GABRB3: variants seen among roughly 807,000 people sequenced by gnomAD.
GABRB3 encodes the protein gamma-aminobutyric acid type A receptor subunit beta3, also known as gamma-aminobutyric acid receptor subunit beta-3.
GABRB3 carries 14 observed loss-of-function variants against 52.1 expected under a neutral mutation model. The observed-to-expected ratio is 0.27, with a 90% confidence interval of 0.18 to 0.42. The LOEUF (loss-of-function observed/expected upper bound fraction) is 0.42. Ranked by LOEUF, GABRB3 falls within the 10% of genes least tolerant of loss-of-function variation. The pLI, the probability that GABRB3 is intolerant of heterozygous loss-of-function variation, is 1.00. For synonymous variants in GABRB3, 260 were observed against 232.3 expected (o/e 1.12, Z -1.08); for missense variants, 307 against 609.1 (o/e 0.50, Z 5.22).
intron 3 of GABRB3, among the ~76,000 whole-genome samples, chr15:26,712,587 A>G (rs544974767): frequency 6.6e-6 from 1 of 152,252 alleles, no homozygotes; most frequent in African/African-American, 2.4e-5. Flanking sequence ...CCTATTGTGG[A>G]CATTTGATAT....
intron 3 of GABRB3, among the ~76,000 whole-genome samples, chr15:26,625,890 G>A (rs1346569284): frequency 2.0e-5 from 3 of 152,094 alleles, no homozygotes; most frequent in East Asian, 1.9e-4. Context: ...AGTTGCTAAC[G>A]TTCCCTCTTT....
chr15:26,561,221 T>C (rs1330307457), intron 7 of GABRB3, 45 bp from the exon 8 acceptor site: 5 of 1,609,882 alleles, frequency 3.1e-6, no homozygotes, highest in African/African-American at 1.3e-5. Flanking sequence ...TTTGCCACAT[T>C]GGTCTTCACT....
intron 3 of GABRB3, among the ~76,000 whole-genome samples, chr15:26,737,966 T>C (rs146706632): frequency 2.5e-4 from 38 of 152,360 alleles, no homozygotes; most frequent in African/African-American, 7.5e-4. Context: ...AGTCCTTGTC[T>C]AAGTTCCTGA....
intron 3 of GABRB3, among the ~76,000 whole-genome samples, chr15:26,636,368 C>G (rs538555012): frequency 6.6e-6 from 1 of 152,264 alleles, no homozygotes; most frequent in Non-Finnish European, 1.5e-5. Flanking sequence ...TAGGGCAAAA[C>G]AGACTCTCCA....
intron 7 of GABRB3, among the ~76,000 whole-genome samples, chr15:26,565,151 T>G (rs1890118916): frequency 6.8e-6 from 1 of 146,410 alleles, no homozygotes; most frequent in South Asian, 2.2e-4. Context: ...CAGCCTTTAT[T>G]AATCTTGTCT....
chr15:26,634,987 T>TAC (rs1566785505), intron 3 of GABRB3, among the ~76,000 whole-genome samples: 1 of 4,410 alleles, frequency 2.3e-4, no homozygotes, highest in Non-Finnish European at 5.2e-3. Flanking sequence ...TATCTCTAAA[T>TAC]ATATATATAT....
chr15:26,618,311 A>G (rs1186454221), intron 4 of GABRB3, among the ~76,000 whole-genome samples: 1 of 151,934 alleles, frequency 6.6e-6, no homozygotes, highest in Non-Finnish European at 1.5e-5. Flanking sequence ...CTGGTACCAA[A>G]ACAGAGATAT....
intron 3 of GABRB3, among the ~76,000 whole-genome samples, chr15:26,744,483 T>C (rs1258979221): frequency 6.6e-6 from 1 of 152,076 alleles, no homozygotes; most frequent in African/African-American, 2.4e-5. Flanking sequence ...TGAGGTGCAA[T>C]GGTGCCATCT....
chr15:26,742,250 A>T (rs568790293), intron 3 of GABRB3, among the ~76,000 whole-genome samples: 178 of 152,030 alleles, frequency 1.2e-3, no homozygotes, highest in Non-Finnish European at 2.4e-3. Context: ...TGGCTCTCTG[A>T]TGTCTTTGAA....
At chr15:26,640,455 T>G (rs1893170801) in intron 3 of GABRB3, among the ~76,000 whole-genome samples, 1 of 151,710 alleles carries the variant, frequency 6.6e-6, no homozygotes. Context: ...AGGTGGAGCT[T>G]GCAGTGAGCC....
At chr15:26,572,845 A>G (rs961034051) in intron 6 of GABRB3, among the ~76,000 whole-genome samples, 8 of 152,212 alleles carry the variant, frequency 5.3e-5, no homozygotes, top group African/African-American at 1.9e-4. Context: ...CCCTGGGCAC[A>G]AGTGCATTGT....
chr15:26,571,977 C>T (rs866080129), intron 6 of GABRB3, among the ~76,000 whole-genome samples: 1 of 139,360 alleles, frequency 7.2e-6, no homozygotes, highest in South Asian at 2.4e-4. Context: ...ACCTGGGAGG[C>T]GGAGGTTGCA....
intron 4 of GABRB3, among the ~76,000 whole-genome samples, chr15:26,605,371 A>G (rs1446789350): frequency 6.6e-6 from 1 of 152,178 alleles, no homozygotes; most frequent in Non-Finnish European, 1.5e-5. Context: ...CAAAAAACTA[A>G]AAATAGATCT....
chr15:26,593,985 T>TATAC (rs1003746362), intron 4 of GABRB3, among the ~76,000 whole-genome samples: 1 of 95,026 alleles, frequency 1.1e-5, no homozygotes, highest in Non-Finnish European at 2.2e-5. Context: ...TTTTAAAATA[T>TATAC]ATATATATAT....
chr15:26,572,124 C>T (rs887325912), intron 6 of GABRB3, among the ~76,000 whole-genome samples: 7 of 151,520 alleles, frequency 4.6e-5, no homozygotes, highest in African/African-American at 1.7e-4. Context: ...ATGCCCCACA[C>T]ATCCTAGTCT....
chr15:26,617,051 T>C (rs996846415), intron 4 of GABRB3, among the ~76,000 whole-genome samples: 1 of 152,108 alleles, frequency 6.6e-6, no homozygotes, highest in Admixed American at 6.5e-5. Flanking sequence ...AATCTCTGAA[T>C]AGACCAATAA....
intron 3 of GABRB3, among the ~76,000 whole-genome samples, chr15:26,672,048 G>T (rs911327717): frequency 6.6e-6 from 1 of 152,034 alleles, no homozygotes; most frequent in African/African-American, 2.4e-5. Context: ...TATCCTTCTT[G>T]TTTTTTCTTA....
At chr15:26,679,381 A>G (rs1009597737) in intron 3 of GABRB3, among the ~76,000 whole-genome samples, 13 of 151,926 alleles carry the variant, frequency 8.6e-5, no homozygotes, top group Admixed American at 2.6e-4. Flanking sequence ...TGAGAATCGC[A>G]CTCACCTGCT....
intron 3 of GABRB3, among the ~76,000 whole-genome samples, chr15:26,754,697 C>T (rs899473760): frequency 6.6e-6 from 1 of 152,046 alleles, no homozygotes; most frequent in African/African-American, 2.4e-5. Flanking sequence ...CTAAACAACA[C>T]CTCCAATGAA....
Sources: allele counts gnomAD v4.1 joint callset (sites outside exome capture counted in the v4.1 genomes callset), GRCh38; gene constraint gnomAD v4.1.1; transcripts MANE v1.5; gene names NCBI Gene and HGNC (gene_info 2026-07-23, HGNC 2026-07-21).